Variants in SLC1A1 observed in about 807,000 individuals in gnomAD.
The protein encoded by SLC1A1 is excitatory amino acid transporter 3.
Under a neutral mutation model 53.3 loss-of-function variants are expected in SLC1A1, and 43 were observed. That is an observed-to-expected ratio of 0.81 (90% CI 0.63 to 1.04). The LOEUF (loss-of-function observed/expected upper bound fraction) is 1.04, where lower values mean the gene tolerates loss of function less well. SLC1A1 is among the 50% of genes least tolerant of loss of function. SLC1A1 has a pLI of 0.00. For missense variants in SLC1A1, 748 were observed against 664.9 expected, an observed-to-expected ratio of 1.12 and a Z score of -1.37; for synonymous variants, 307 against 243.2, an observed-to-expected ratio of 1.26 and a Z score of -2.44.
intron 3 of SLC1A1, among the ~76,000 whole-genome samples, chr9:4,562,258 G>T (rs1288844855): frequency 2.6e-5 from 4 of 151,176 alleles, no homozygotes; most frequent in Non-Finnish European, 5.9e-5. Context: ...TTTTTAAATA[G>T]AGACAGGGTT....
chr9:4,566,767 A>AT (rs965263258), intron 5 of SLC1A1, among the ~76,000 whole-genome samples: 341 of 151,768 alleles, frequency 2.2e-3, no homozygotes, highest in African/African-American at 7.2e-3. Context: ...CAAAGCCATG[A>AT]TTTTTTTTTC....
At chr9:4,564,315 T>G (rs1014603159) in intron 3 of SLC1A1, 29 bp from the exon 4 acceptor site, 1 of 1,498,146 alleles carries the variant, frequency 6.7e-7, no homozygotes. Context: ...AGGTTCCTAA[T>G]GCTCTGTGGA....
intron 1 of SLC1A1, among the ~76,000 whole-genome samples, chr9:4,493,908 T>C (rs530187998): frequency 1.3e-5 from 2 of 152,294 alleles, no homozygotes; most frequent in East Asian, 3.9e-4. Context: ...ATAAGGGTCA[T>C]CTTTATTAGG....
At chr9:4,524,279 G>T (rs1293413998) in intron 1 of SLC1A1, among the ~76,000 whole-genome samples, 1 of 152,150 alleles carries the variant, frequency 6.6e-6, no homozygotes, top group Non-Finnish European at 1.5e-5. Flanking sequence ...TATCGGAAAG[G>T]GTAAGGAATA....
At chr9:4,561,025 C>A (rs1464722928) in intron 2 of SLC1A1, among the ~76,000 whole-genome samples, 1 of 151,952 alleles carries the variant, frequency 6.6e-6, no homozygotes, top group African/African-American at 2.4e-5. Flanking sequence ...ACAACAACAA[C>A]AACAAACGAT....
At chr9:4,519,377 T>C (rs565908885) in intron 1 of SLC1A1, among the ~76,000 whole-genome samples, 1 of 152,366 alleles carries the variant, frequency 6.6e-6, no homozygotes, top group East Asian at 1.9e-4. Context: ...CTCAAGTTTT[T>C]AGATAAAGCA....
intron 1 of SLC1A1, among the ~76,000 whole-genome samples, chr9:4,526,384 G>A (rs1816259788): frequency 6.6e-6 from 1 of 152,088 alleles, no homozygotes; most frequent in African/African-American, 2.4e-5. Context: ...AAAACACAAG[G>A]CAAGAGAATA....
intron 10 of SLC1A1, 99 bp downstream of exon 10, chr9:4,576,862 T>C: frequency 9.4e-7 from 1 of 1,064,262 alleles, no homozygotes; most frequent in Non-Finnish European, 1.5e-6. Flanking sequence ...CAGTGATGAA[T>C]TCTTTTTCTT....
chr9:4,577,702 T>C (rs966225551), intron 10 of SLC1A1, among the ~76,000 whole-genome samples: 11 of 152,204 alleles, frequency 7.2e-5, no homozygotes, highest in African/African-American at 2.4e-4. Context: ...CTTGAACTCC[T>C]GACCTCAGGT....
At chr9:4,528,135 A>T (rs1003431879) in intron 1 of SLC1A1, among the ~76,000 whole-genome samples, 12 of 152,302 alleles carry the variant, frequency 7.9e-5, no homozygotes, top group Admixed American at 7.8e-4. Context: ...TGCGGTGATG[A>T]CAGTGCTAAT....
At chr9:4,519,594 T>G (rs1273206357) in intron 1 of SLC1A1, among the ~76,000 whole-genome samples, 1 of 152,222 alleles carries the variant, frequency 6.6e-6, no homozygotes, top group Non-Finnish European at 1.5e-5. Flanking sequence ...TTATTGAGCC[T>G]TCCTGCAGGC....
chr9:4,544,572 A>G lies in SLC1A1; in HGVS notation c.97A>G (p.Thr33Ala). 1 of 1,613,600 alleles carries G rather than the reference A, an allele frequency of 6.2e-7. No homozygotes were observed. Among genetic ancestry groups the G allele is most frequent in the Non-Finnish European group, 8.5e-7 (1 of 1,179,596 alleles). The change falls in exon 2 of 12, where the codon ACC (threonine) becomes GCC (alanine). Residue 33 changes from threonine (T) to alanine (A), a missense_variant. Physicochemically the swap from Thr to Ala is moderately conservative, Grantham distance 58. Transcript: ENST00000262352. ...STVAAVVLGITTGVLVREHSN... is the reference protein window; with the variant it reads ...STVAAVVLGIATGVLVREHSN... ...CCAACTCTTGTTTTCCTTAGGCATT[A>G]CCACAGGAGTCTTGGTTCGAGAACA...
intron 2 of SLC1A1, among the ~76,000 whole-genome samples, chr9:4,555,407 T>G (rs116675331): frequency 1.4e-4 from 21 of 152,180 alleles, no homozygotes; most frequent in African/African-American, 5.1e-4. Context: ...CTAGGAGGAG[T>G]CTTTTGCCCT....
At chr9:4,577,726 C>G (rs1820692237) in intron 10 of SLC1A1, among the ~76,000 whole-genome samples, 1 of 152,322 alleles carries the variant, frequency 6.6e-6, no homozygotes, top group African/African-American at 2.4e-5. Context: ...TTGCCCACCT[C>G]AGACTCCCAA....
intron 1 of SLC1A1, 42 bp from the exon 2 acceptor site, chr9:4,544,525 A>G: frequency 6.3e-7 from 1 of 1,598,442 alleles, no homozygotes; most frequent in Non-Finnish European, 8.6e-7. Flanking sequence ...GGAGAACTCA[A>G]TAATGTTCCT....
At position 4,585,636 on chromosome 9, in the gene SLC1A1, A is replaced by G; in HGVS notation, c.*78A>G. The G allele has an allele frequency of 6.5e-7, 1 of 1,540,596 alleles. No individual in the cohort carries two copies. The highest frequency in any genetic ancestry group is 1.1e-5 in the South Asian group (1 of 88,966). On this transcript the variant is annotated 3_prime_UTR_variant, in exon 12 of 12. Coordinates refer to ENST00000262352, the MANE Select transcript of SLC1A1 (RefSeq NM_004170.6). ...ATCTCAAACACTGCTTAAGGAAAAGAGAAACACTAATGGCCAAGTGTACAT... is the reference window on the plus strand; with the variant it reads ...ATCTCAAACACTGCTTAAGGAAAAGGGAAACACTAATGGCCAAGTGTACAT...
In SLC1A1 at chr9:4,551,910, C is replaced by T. The variant is rs76145555; in HGVS notation, c.232+7203C>T. ...AAATGCCTGGCCTCCAAAGACAAAACGACCACATAGTGTATAAGGAAGAGC... is the reference window on the plus strand; with the variant it reads ...AAATGCCTGGCCTCCAAAGACAAAATGACCACATAGTGTATAAGGAAGAGC... On this transcript the variant is annotated intron_variant, in intron 2 of 11. Transcript: ENST00000262352. Among the ~76,000 whole-genome samples, 135 of 152,302 alleles carry T rather than the reference C, an allele frequency of 8.9e-4. 1 individual carries two copies. The highest frequency in any genetic ancestry group is 3.4e-3 in the Middle Eastern group (1 of 294).
chr9:4,493,358 G>A (rs79931819), intron 1 of SLC1A1, among the ~76,000 whole-genome samples: 3 of 152,180 alleles, frequency 2.0e-5, no homozygotes, highest in African/African-American at 7.2e-5. Flanking sequence ...TGTAAGGGCT[G>A]ATTTGTTTAA....
chr9:4,529,959 G>T (rs1816405464), intron 1 of SLC1A1, among the ~76,000 whole-genome samples: 1 of 152,160 alleles, frequency 6.6e-6, no homozygotes, highest in African/African-American at 2.4e-5. Flanking sequence ...ATAAATTTGA[G>T]TTGGACAATG....
Sources: gnomAD v4.1 joint callset for allele counts (sites outside exome capture counted in the v4.1 genomes callset) on GRCh38, gnomAD v4.1.1 for gene constraint, MANE v1.5 for transcripts, NCBI Gene and HGNC (gene_info 2026-07-23, HGNC 2026-07-21) for gene names.